COP1: variants seen among roughly 807,000 people sequenced by gnomAD.
COP1 encodes E3 ubiquitin-protein ligase COP1.
In COP1, 24 loss-of-function variants were observed where a neutral mutation model predicts 101.3. The ratio of observed to expected loss-of-function variants is 0.24; its 90% CI spans 0.17 to 0.33. The LOEUF is 0.33. COP1 is among the 10% of genes least tolerant of loss of function. The pLI is 1.00. For missense variants in COP1, 663 were observed against 906.2 expected (o/e 0.73, Z 3.45); for synonymous variants, 347 against 341.9 (o/e 1.01, Z -0.17).
chr1:176,024,094 C>A (rs1389489196), intron 15 of COP1, among the ~76,000 whole-genome samples: 1 of 152,062 alleles, frequency 6.6e-6, no homozygotes, highest in African/African-American at 2.4e-5. Context: ...CCTGTCTCTA[C>A]TAGAAATACA....
chr1:176,052,965 G>C (rs1210232844), intron 11 of COP1, among the ~76,000 whole-genome samples: 1 of 151,616 alleles, frequency 6.6e-6, no homozygotes, highest in Non-Finnish European at 1.5e-5. Flanking sequence ...TATTTAACCA[G>C]GAACATTTCA....
intron 18 of COP1, among the ~76,000 whole-genome samples, chr1:175,956,131 G>C (rs567561378): frequency 1.3e-5 from 2 of 152,158 alleles, no homozygotes; most frequent in Admixed American, 1.3e-4. Flanking sequence ...TCAATACAGT[G>C]TAGTATTATT....
intron 11 of COP1, among the ~76,000 whole-genome samples, chr1:176,051,461 A>G (rs1447279590): frequency 6.6e-6 from 1 of 152,262 alleles, no homozygotes; most frequent in Non-Finnish European, 1.5e-5. Flanking sequence ...GTTGTATAAA[A>G]GTACAGCACA....
intron 8 of COP1, among the ~76,000 whole-genome samples, chr1:176,123,629 C>T (rs1687505342): frequency 6.6e-6 from 1 of 152,012 alleles, no homozygotes; most frequent in Non-Finnish European, 1.5e-5. Context: ...CTTTTCCGGC[C>T]CTCTCAAGCC....
chr1:176,028,903 C>A (rs952746051), intron 14 of COP1, among the ~76,000 whole-genome samples: 1 of 151,040 alleles, frequency 6.6e-6, no homozygotes, highest in Non-Finnish European at 1.5e-5. Flanking sequence ...GTGTGTGTCA[C>A]CAGGCCTAGC....
Position 176,029,391 on chromosome 1 carries a change from G to C in COP1, c.1613-1703C>G, listed in dbSNP as rs892036060. Among the ~76,000 whole-genome samples the C allele has an allele frequency of 2.6e-5, 4 of 152,288 alleles. No homozygotes were observed. In the South Asian group the frequency reaches 6.2e-4, roughly 24 times the overall value. On this transcript the variant is annotated intron_variant, in intron 14 of 19. Coordinates refer to ENST00000367669, the MANE Select transcript of COP1 (RefSeq NM_022457.7). The stretch of plus-strand genomic sequence containing the variant: ...TGATTTGAAAGCAGAAGCAGAAAAT[G>C]AGTTGCCATTTTACAAAGGTACCAG...
chr1:176,146,880 A>G (rs1558201395), intron 6 of COP1, among the ~76,000 whole-genome samples: 1 of 152,326 alleles, frequency 6.6e-6, no homozygotes, highest in South Asian at 2.1e-4. Context: ...GTAGGAAAAA[A>G]TAAAACTGAA....
chr1:176,071,998 T>C (rs934605925), intron 11 of COP1, among the ~76,000 whole-genome samples: 23 of 152,230 alleles, frequency 1.5e-4, no homozygotes, highest in African/African-American at 5.3e-4. Flanking sequence ...TGGGAATACA[T>C]GTAGTGACTT....
chr1:176,170,098 T>A (rs1695811024), intron 3 of COP1, among the ~76,000 whole-genome samples: 2 of 152,338 alleles, frequency 1.3e-5, no homozygotes, highest in Non-Finnish European at 2.9e-5. Context: ...ATCTTCAGGC[T>A]CCATTTCTAA....
intron 18 of COP1, among the ~76,000 whole-genome samples, chr1:175,961,189 T>G (rs1558163664): frequency 6.6e-6 from 1 of 152,188 alleles, no homozygotes; most frequent in East Asian, 1.9e-4. Flanking sequence ...TCTCACCCTC[T>G]GTAATCATGT....
rs1266435074 is a variant in COP1, at chr1:175,997,372, G to A, written c.1730-7893C>T. ...TCATGTCTAAAACACCAAAAGCAAT[G>A]GCAACAAAAGCCAAAATTGACAAAT... On this transcript the variant is annotated intron_variant, in intron 15 of 19. Transcript: ENST00000367669. Among the ~76,000 whole-genome samples, 391 of 151,884 alleles carry A rather than the reference G, an allele frequency of 2.6e-3. 2 individuals carry two copies. Among genetic ancestry groups the A allele is most frequent in the African/African-American group, 9.0e-3 (373 of 41,476 alleles).
chr1:175,981,513 C>T (rs953458953), intron 18 of COP1, among the ~76,000 whole-genome samples: 15 of 152,138 alleles, frequency 9.9e-5, no homozygotes, highest in African/African-American at 3.4e-4. Context: ...CCATATACAA[C>T]ACTCAACTCA....
rs553694771 is a variant in COP1 at position 176,036,352 on chromosome 1, T to C, written c.1612+6834A>G. On this transcript the variant is annotated intron_variant, in intron 14 of 19. Coordinates refer to ENST00000367669, the MANE Select transcript of COP1 (RefSeq NM_022457.7). Reference sequence around the variant, plus strand: ...ACAGAAAAATCAACAAAACCAAAAGTTGAGCATTTGAAAAGATTAAGAACC... The same window carrying C: ...ACAGAAAAATCAACAAAACCAAAAGCTGAGCATTTGAAAAGATTAAGAACC... Among the ~76,000 whole-genome samples, 250 of 151,282 alleles carry C rather than the reference T, an allele frequency of 1.7e-3. 1 individual carries two copies. Among genetic ancestry groups the C allele is most frequent in the African/African-American group, 5.8e-3 (239 of 41,316 alleles).
At chr1:175,970,500 G>A (rs757095890) in intron 18 of COP1, among the ~76,000 whole-genome samples, 5 of 152,136 alleles carry the variant, frequency 3.3e-5, no homozygotes, top group Admixed American at 6.5e-5. Flanking sequence ...GTTTAGATAC[G>A]ATAGTCTAAG....
chr1:176,061,995 GATTATT>G (rs781598545), intron 11 of COP1, among the ~76,000 whole-genome samples: 12 of 152,010 alleles, frequency 7.9e-5, no homozygotes, highest in Non-Finnish European at 1.6e-4. Context: ...AGAAAGACCT[GATTATT>G]ATTATTATTG....
intron 15 of COP1, among the ~76,000 whole-genome samples, chr1:176,014,582 C>T (rs1259350625): frequency 6.6e-6 from 1 of 152,046 alleles, no homozygotes; most frequent in African/African-American, 2.4e-5. Flanking sequence ...TAATAAAATA[C>T]ATGTTTTTTT....
chr1:176,091,309 G>A (rs1196332165), intron 9 of COP1, among the ~76,000 whole-genome samples: 2 of 148,580 alleles, frequency 1.3e-5, no homozygotes, highest in Non-Finnish European at 3.0e-5. Flanking sequence ...CTGTGCCACT[G>A]TACTCAAGCC....
chr1:175,953,594 A>C (rs887539119), intron 18 of COP1, among the ~76,000 whole-genome samples: 2 of 152,188 alleles, frequency 1.3e-5, no homozygotes, highest in East Asian at 3.9e-4. Context: ...CCTGTCTTAA[A>C]AAAATAAAAA....
intron 18 of COP1, among the ~76,000 whole-genome samples, chr1:175,973,720 C>G (rs1258201267): frequency 6.6e-6 from 1 of 152,154 alleles, no homozygotes; most frequent in Non-Finnish European, 1.5e-5. Flanking sequence ...AAAAGTAAGT[C>G]TAGATCAATC....
Sources: gnomAD v4.1 joint callset for allele counts (sites outside exome capture counted in the v4.1 genomes callset) on GRCh38, gnomAD v4.1.1 for gene constraint, MANE v1.5 for transcripts, NCBI Gene and HGNC (gene_info 2026-07-23, HGNC 2026-07-21) for gene names.